Variants in DNAAF9 observed in about 807,000 individuals in gnomAD.
DNAAF9 encodes dynein axonemal assembly factor 9, also known as shulin.
In DNAAF9, 90 loss-of-function variants were observed where a neutral mutation model predicts 167.0. The observed-to-expected ratio is 0.54, with a 90% CI of 0.45 to 0.64. The LOEUF is 0.64. DNAAF9 is among the 30% of genes least tolerant of loss of function. The probability of loss-of-function intolerance (pLI) is 0.00; values close to 1 mark genes in which losing one functional copy is unlikely to be tolerated. For synonymous variants in DNAAF9, 491 were observed against 508.8 expected, an observed-to-expected ratio of 0.96 and a Z score of 0.47; for missense variants, 1,315 against 1,442.2, an observed-to-expected ratio of 0.91 and a Z score of 1.43.
At chr20:3,359,198 C>G (rs772517104) in intron 7 of DNAAF9, among the ~76,000 whole-genome samples, 41 of 152,114 alleles carry the variant, frequency 2.7e-4, no homozygotes, top group Non-Finnish European at 4.7e-4. Context: ...CCAGAGAAAG[C>G]CTTCTGCATT....
chr20:3,297,111 G>A (rs2069094728), intron 22 of DNAAF9, among the ~76,000 whole-genome samples, 162 bp from the exon 23 acceptor site: 3 of 152,120 alleles, frequency 2.0e-5, no homozygotes, highest in African/African-American at 7.2e-5. Context: ...AAGCAATTTT[G>A]TTCTGTATTT....
chr20:3,319,960 T>C (rs575056419), intron 16 of DNAAF9, among the ~76,000 whole-genome samples: 1 of 152,320 alleles, frequency 6.6e-6, no homozygotes, highest in African/African-American at 2.4e-5. Context: ...GGCAATCCTA[T>C]GTCTTTGGTT....
At chr20:3,300,027 C>T (rs1013930129) in intron 21 of DNAAF9, among the ~76,000 whole-genome samples, 2 of 151,970 alleles carry the variant, frequency 1.3e-5, no homozygotes, top group African/African-American at 4.8e-5. Context: ...CTCAGCCTTC[C>T]GAGTAGCTGG....
chr20:3,392,368 T>C (rs1332899853), intron 1 of DNAAF9, among the ~76,000 whole-genome samples: 2 of 152,174 alleles, frequency 1.3e-5, no homozygotes, highest in East Asian at 3.8e-4. Context: ...ATTTCTTATT[T>C]TCCTTGGATT....
At chr20:3,268,897 C>CTTTTTTTTTTCTTTTT (rs2068537078) in intron 30 of DNAAF9, among the ~76,000 whole-genome samples, 1 of 85,850 alleles carries the variant, frequency 1.2e-5, no homozygotes, top group African/African-American at 4.7e-5. Context: ...CTCTATGTTA[C>CTTTTTTTTTTCTTTTT]TTTTTTTTTT....
intron 20 of DNAAF9, among the ~76,000 whole-genome samples, chr20:3,305,774 T>C (rs1178462613): frequency 6.6e-6 from 1 of 152,162 alleles, no homozygotes; most frequent in African/African-American, 2.4e-5. Context: ...CTGCCTCTCA[T>C]GGAAGAACCA....
In DNAAF9 at chr20:3,376,295, A is replaced by G. The variant is rs1364170616; in HGVS notation, c.291T>C (p.Ile97=). ...GFSEEVLDDV[I]ILIKSDSVHL... is the part of the protein sequence containing the mutation. ...GGACGCTATCCGATTTAATCAATAT[A>G]ATTACATCTGTAAGAAAAACAAAAT... Residue 97 remains isoleucine, a synonymous_variant, in exon 4 of 37, where the codon ATT becomes ATC. Coordinates refer to ENST00000252032, the MANE Select transcript of DNAAF9 (RefSeq NM_001009984.3). The G allele has an allele frequency of 6.2e-7, 1 of 1,601,030 alleles. No homozygotes were observed. The highest frequency in any genetic ancestry group is 1.8e-5 in the Admixed American group (1 of 57,092).
rs1246313716 is a variant in DNAAF9, at chr20:3,330,791, C to T, written c.1064-109G>A. 162 of 414,830 alleles carry T rather than the reference C, an allele frequency of 3.9e-4. 1 individual carries two copies. Among genetic ancestry groups the T allele is most frequent in the South Asian group, 1.9e-3 (57 of 30,538 alleles). The allele number at this position is 414,830 out of a possible 1,614,324, so 25.7% of individuals were successfully genotyped here. On this transcript the variant is annotated intron_variant, in intron 11 of 36. Transcript: ENST00000252032. ...CTGGAAGGCATTGTCAAGAACTACA[C>T]TTTTTTTTTTTTTTTTTTGAGACAC...
rs183151085 is a variant in DNAAF9 at position 3,395,117 on chromosome 20, G to A, written c.83+12358C>T. On this transcript the variant is annotated intron_variant, in intron 1 of 36. Coordinates refer to ENST00000252032, the MANE Select transcript of DNAAF9 (RefSeq NM_001009984.3). ...CATGTAGCTGGGACTACAGGCGTGC[G>A]CCACCATGCCCGGCTAATTTTTTTT... Among the ~76,000 whole-genome samples, 91 of 148,628 alleles carry A rather than the reference G, an allele frequency of 6.1e-4. 3 individuals are homozygous for A. The Middle Eastern group carries it at 0.01, about 17-fold the overall frequency.
chr20:3,347,799 GT>G (rs1300959229), intron 8 of DNAAF9, among the ~76,000 whole-genome samples: 2 of 152,260 alleles, frequency 1.3e-5, no homozygotes, highest in African/African-American at 4.8e-5. Context: ...GTGTGTGCCA[GT>G]AATCCCAGCT....
chr20:3,255,668 T>G (rs2068267440), intron 34 of DNAAF9, among the ~76,000 whole-genome samples: 1 of 152,026 alleles, frequency 6.6e-6, no homozygotes, highest in Non-Finnish European at 1.5e-5. Flanking sequence ...TAAAGACAGG[T>G]CCCTAGTGAG....
intron 10 of DNAAF9, among the ~76,000 whole-genome samples, chr20:3,336,517 A>C (rs1165978686): frequency 1.3e-5 from 2 of 151,422 alleles, no homozygotes; most frequent in African/African-American, 4.9e-5. Flanking sequence ...TTTGCCACTG[A>C]GCCCATTCAC....
intron 1 of DNAAF9, among the ~76,000 whole-genome samples, chr20:3,387,884 T>TA (rs557861791): frequency 0.021 from 1,864 of 87,154 alleles, 51 homozygotes; most frequent in Middle Eastern, 0.027. Flanking sequence ...CTACAAAAAG[T>TA]AAAAAAAAAA....
intron 3 of DNAAF9, among the ~76,000 whole-genome samples, chr20:3,380,841 T>C (rs1431662903): frequency 1.3e-5 from 2 of 152,182 alleles, no homozygotes; most frequent in Non-Finnish European, 2.9e-5. Flanking sequence ...AGGCAGAGTG[T>C]CTCAGTGCTA....
rs766051962 is a variant in DNAAF9, at chr20:3,315,147, A to G, written c.1591-27T>C. On this transcript the variant is annotated intron_variant, in intron 19 of 36. Coordinates refer to ENST00000252032, the MANE Select transcript of DNAAF9 (RefSeq NM_001009984.3). The surrounding 1 kb of genome is among the most constrained non-coding windows in gnomAD (Gnocchi z 4.1). Reference sequence around the variant, plus strand: ...TTTAAAAACAACAACAAAAACAAAAATCCAAAAAAGAATAGGTGATTTATA... The same window carrying G: ...TTTAAAAACAACAACAAAAACAAAAGTCCAAAAAAGAATAGGTGATTTATA... 1.6e-5 allele frequency: 22 copies of G among 1,371,514 alleles called. No homozygotes were observed. Among genetic ancestry groups the G allele is most frequent in the Non-Finnish European group, 2.1e-5 (20 of 960,198 alleles). The allele number at this position is 1,371,514 out of a possible 1,614,324, so 85.0% of individuals were successfully genotyped here. A position where few individuals can be genotyped will look rare whatever the true frequency, so the allele number is the denominator to read the frequency against.
chr20:3,314,173 A>G (rs1383499333), intron 20 of DNAAF9, among the ~76,000 whole-genome samples: 1 of 152,156 alleles, frequency 6.6e-6, no homozygotes, highest in Non-Finnish European at 1.5e-5. Flanking sequence ...AGCCTCATTT[A>G]CATGGGACTT....
intron 36 of DNAAF9, among the ~76,000 whole-genome samples, 183 bp downstream of exon 36, chr20:3,253,543 C>T (rs775694241): frequency 6.6e-6 from 1 of 152,196 alleles, no homozygotes; most frequent in Non-Finnish European, 1.5e-5. Flanking sequence ...GCTTTAGAGA[C>T]TGAAATGAAA....
intron 1 of DNAAF9, among the ~76,000 whole-genome samples, chr20:3,397,174 G>A (rs2083919758): frequency 1.3e-5 from 2 of 151,674 alleles, no homozygotes; most frequent in African/African-American, 2.4e-5. Flanking sequence ...TTGAGCCTGG[G>A]AGGCAGAGGT....
intron 10 of DNAAF9, among the ~76,000 whole-genome samples, chr20:3,335,869 T>C (rs571293768): frequency 1.3e-5 from 2 of 152,188 alleles, no homozygotes; most frequent in African/African-American, 4.8e-5. Context: ...ATGCCTGTTA[T>C]CTCAGCACTT....
Sources: gnomAD v4.1 joint callset for allele counts (sites outside exome capture counted in the v4.1 genomes callset) on GRCh38, gnomAD v4.1.1 for gene constraint, Gnocchi (gnomAD v3.1) non-coding constraint, MANE v1.5 for transcripts, NCBI Gene and HGNC (gene_info 2026-07-23, HGNC 2026-07-21) for gene names.